LRP1B: variants seen among roughly 807,000 people sequenced by gnomAD.
LRP1B encodes LDL receptor related protein 1B, also known as low-density lipoprotein receptor-related protein 1B.
LRP1B carries 217 observed loss-of-function variants against 556.6 expected under a neutral mutation model. The ratio of observed to expected loss-of-function variants is 0.39; its 90% CI spans 0.35 to 0.44. LRP1B has a LOEUF of 0.44. Ranked by LOEUF, LRP1B falls within the 20% of genes least tolerant of loss-of-function variation. The pLI is 1.00. For missense variants in LRP1B, 5,053 were observed against 5,620.8 expected (o/e 0.90, Z 3.23); for synonymous variants, 2,047 against 1,865.8 (o/e 1.10, Z -2.50).
chr2:140,847,186 A>G (rs950128090), intron 29 of LRP1B, among the ~76,000 whole-genome samples: 10 of 152,164 alleles, frequency 6.6e-5, no homozygotes, highest in African/African-American at 2.2e-4. Flanking sequence ...TGTCTCTCAG[A>G]GTTCACTGCT....
At chr2:140,587,813 T>G (rs1470947840) in intron 43 of LRP1B, among the ~76,000 whole-genome samples, 3 of 151,154 alleles carry the variant, frequency 2.0e-5, no homozygotes, top group African/African-American at 7.4e-5. Flanking sequence ...TTCTGAAAAC[T>G]AGAGACAAGA....
At chr2:141,618,772 C>A (rs1406044959) in intron 2 of LRP1B, among the ~76,000 whole-genome samples, 1 of 152,128 alleles carries the variant, frequency 6.6e-6, no homozygotes, top group Admixed American at 6.6e-5. Context: ...AATATATGGA[C>A]CTAGATGGCT....
intron 2 of LRP1B, among the ~76,000 whole-genome samples, chr2:141,517,074 A>G (rs1350302768): frequency 6.6e-6 from 1 of 150,604 alleles, no homozygotes; most frequent in Non-Finnish European, 1.5e-5. Context: ...TCTTAAGTAG[A>G]AGTCAAATTC....
intron 31 of LRP1B, among the ~76,000 whole-genome samples, chr2:140,817,766 A>G (rs1017989107): frequency 3.3e-5 from 5 of 152,118 alleles, no homozygotes; most frequent in African/African-American, 1.2e-4. Flanking sequence ...TATACTATGC[A>G]GTATGGAGTT....
chr2:141,268,923 G>A (rs1378279900), intron 3 of LRP1B, among the ~76,000 whole-genome samples: 1 of 152,052 alleles, frequency 6.6e-6, no homozygotes, highest in African/African-American at 2.4e-5. Context: ...TCCTTCATAG[G>A]GCAGTGATTC....
chr2:140,387,331 C>A (rs1198823289), intron 66 of LRP1B, among the ~76,000 whole-genome samples: 1 of 152,150 alleles, frequency 6.6e-6, no homozygotes, highest in African/African-American at 2.4e-5. Context: ...AAATTAAATA[C>A]TGAGCATCTA....
chr2:142,126,061 T>C (rs1707639483), intron 1 of LRP1B, among the ~76,000 whole-genome samples: 1 of 151,884 alleles, frequency 6.6e-6, no homozygotes, highest in Non-Finnish European at 1.5e-5. Flanking sequence ...CTTTATTTTC[T>C]TTAGCATTCT....
At chr2:141,919,773 C>A (rs1169615663) in intron 1 of LRP1B, among the ~76,000 whole-genome samples, 2 of 151,928 alleles carry the variant, frequency 1.3e-5, no homozygotes, top group African/African-American at 4.8e-5. Context: ...CATTTGAATA[C>A]CTTTTGACAC....
At chr2:140,930,011 C>T (rs984567273) in intron 20 of LRP1B, among the ~76,000 whole-genome samples, 3 of 151,978 alleles carry the variant, frequency 2.0e-5, no homozygotes, top group Non-Finnish European at 2.9e-5. Context: ...GATTTTCCTC[C>T]GGATGGAGAG....
rs144608681 is a variant in LRP1B, at chr2:141,357,028, TTTTTA to T, written c.344-102392_344-102388del. Among the ~76,000 whole-genome samples, 1,299 of 151,876 alleles carry T rather than the reference TTTTTA, an allele frequency of 8.6e-3. 18 individuals are homozygous for T. The highest frequency in any genetic ancestry group is 0.028 in the African/African-American group (1,183 of 41,516). On this transcript the variant is annotated intron_variant, in intron 3 of 90. Coordinates refer to ENST00000389484, the MANE Select transcript of LRP1B (RefSeq NM_018557.3). The stretch of plus-strand genomic sequence containing the variant: ...GAAATATGTGTTCACTTTTTAAATT[TTTTTA>T]TTTTATTTTATTTTTATTTTATTTT...
chr2:141,118,953 T>TA (rs1310662076), intron 7 of LRP1B, among the ~76,000 whole-genome samples: 19 of 151,582 alleles, frequency 1.3e-4, no homozygotes, highest in African/African-American at 4.4e-4. Context: ...TAGATATAGT[T>TA]AAAACAAAGA....
intron 42 of LRP1B, among the ~76,000 whole-genome samples, chr2:140,599,264 A>G (rs930267841): frequency 3.3e-5 from 5 of 152,176 alleles, no homozygotes; most frequent in Non-Finnish European, 7.4e-5. Flanking sequence ...TGATGAAAAT[A>G]AAAATCTTCT....
chr2:140,696,800 C>T (rs938437813), intron 41 of LRP1B, among the ~76,000 whole-genome samples: 2 of 152,164 alleles, frequency 1.3e-5, no homozygotes, highest in Admixed American at 1.3e-4. Flanking sequence ...CATCCCAAAA[C>T]CATCCCCTGC....
At chr2:140,927,553 T>G (rs758483875) in intron 20 of LRP1B, among the ~76,000 whole-genome samples, 1 of 152,140 alleles carries the variant, frequency 6.6e-6, no homozygotes, top group South Asian at 2.1e-4. Context: ...AGTCATTAAT[T>G]TTTATATTTA....
intron 6 of LRP1B, among the ~76,000 whole-genome samples, chr2:141,209,818 G>A (rs780895361): frequency 2.7e-4 from 41 of 152,140 alleles, no homozygotes; most frequent in South Asian, 4.1e-4. Context: ...ACACAGACAC[G>A]GATGGAGGGA....
chr2:141,976,203 A>G (rs575117701), intron 1 of LRP1B, among the ~76,000 whole-genome samples: 1 of 152,224 alleles, frequency 6.6e-6, no homozygotes, highest in South Asian at 2.1e-4. Flanking sequence ...ACATATAGGA[A>G]TATTTTTTGA....
intron 55 of LRP1B, 46 bp from the exon 56 acceptor site, chr2:140,495,794 G>A (rs770017401): frequency 2.0e-5 from 30 of 1,486,518 alleles, no homozygotes; most frequent in Non-Finnish European, 2.8e-5. Flanking sequence ...CATTGTCACT[G>A]TCTTTTACTT....
chr2:142,005,678 TTTTCTTTATTAAAAGGGTTG>T (rs1702778090), intron 1 of LRP1B, among the ~76,000 whole-genome samples: 1 of 152,138 alleles, frequency 6.6e-6, no homozygotes, highest in South Asian at 2.1e-4. Flanking sequence ...GCTATATTCA[TTTTCTTTATTAAAAGGGTTG>T]TTAAAAATAA....
intron 1 of LRP1B, among the ~76,000 whole-genome samples, chr2:142,001,555 C>T (rs1264423166): frequency 6.6e-6 from 1 of 152,096 alleles, no homozygotes; most frequent in Non-Finnish European, 1.5e-5. Context: ...GTAAGGATAA[C>T]CTGCCACGCA....
Sources: allele counts gnomAD v4.1 joint callset (sites outside exome capture counted in the v4.1 genomes callset), GRCh38; gene constraint gnomAD v4.1.1; transcripts MANE v1.5; gene names NCBI Gene and HGNC (gene_info 2026-07-23, HGNC 2026-07-21).